FBN1: variants seen among roughly 807,000 people sequenced by gnomAD.
The protein encoded by FBN1 is fibrillin-1.
In FBN1, 29 loss-of-function variants were observed where a neutral mutation model predicts 365.1. The observed-to-expected ratio is 0.08, with a 90% CI of 0.06 to 0.11. The LOEUF (loss-of-function observed/expected upper bound fraction) is 0.11. FBN1 is among the 10% of genes least tolerant of loss of function. FBN1 has a pLI of 1.00. For synonymous variants in FBN1, 1,210 were observed against 1,270.5 expected (o/e 0.95, Z 1.01); for missense variants, 2,476 against 3,703.2 (o/e 0.67, Z 8.60).
At chr15:48,603,863 A>G (rs2044586182) in intron 4 of FBN1, among the ~76,000 whole-genome samples, 1 of 152,190 alleles carries the variant, frequency 6.6e-6, no homozygotes, top group Non-Finnish European at 1.5e-5. Context: ...CTTGAAGACG[A>G]GCAGACAGCC....
chr15:48,442,333 A>G (rs2043122583), intron 49 of FBN1, among the ~76,000 whole-genome samples: 2 of 152,346 alleles, frequency 1.3e-5, no homozygotes, highest in Admixed American at 6.5e-5. Flanking sequence ...CCTATGCTAT[A>G]GCCCTAAAAC....
At chr15:48,632,512 G>A (rs1890006781) in intron 2 of FBN1, among the ~76,000 whole-genome samples, 1 of 152,234 alleles carries the variant, frequency 6.6e-6, no homozygotes, top group Non-Finnish European at 1.5e-5. Context: ...GAGGCCCAGA[G>A]AGGTCAAATC....
Position 48,441,871 on chromosome 15 carries a change from A to G in FBN1, c.6038-25T>C, listed in dbSNP as rs2043118115. ...TCTAAAAGAATCACATGAGTCAAACAAAGTCAAAACACGATGGAGACATCA... is the reference window on the plus strand; with the variant it reads ...TCTAAAAGAATCACATGAGTCAAACGAAGTCAAAACACGATGGAGACATCA... On this transcript the variant is annotated intron_variant, in intron 49 of 65. Coordinates refer to ENST00000316623, the MANE Select transcript of FBN1 (RefSeq NM_000138.5). The G allele has an allele frequency of 3.1e-6, 5 of 1,611,992 alleles. No homozygotes were observed. The Middle Eastern group carries it at 5.0e-4, about 160-fold the overall frequency.
chr15:48,607,991 A>G (rs1235243757), intron 4 of FBN1, among the ~76,000 whole-genome samples: 2 of 152,244 alleles, frequency 1.3e-5, no homozygotes, highest in Non-Finnish European at 2.9e-5. Context: ...CTAGCCAATC[A>G]TTCTTTTTGC....
intron 58 of FBN1, 71 bp downstream of exon 58, chr15:48,427,496 T>C: frequency 6.7e-7 from 1 of 1,498,780 alleles, no homozygotes; most frequent in Non-Finnish European, 9.3e-7. Flanking sequence ...CTCCATATTT[T>C]CATCTGTGTT....
intron 63 of FBN1, among the ~76,000 whole-genome samples, chr15:48,418,864 G>A (rs982413368): frequency 2.0e-5 from 3 of 152,162 alleles, no homozygotes; most frequent in Non-Finnish European, 4.4e-5. Flanking sequence ...AGGGAGTACC[G>A]ATAGGAAACT....
intron 14 of FBN1, among the ~76,000 whole-genome samples, chr15:48,509,048 T>C (rs1432894495): frequency 6.6e-6 from 1 of 152,230 alleles, no homozygotes; most frequent in East Asian, 1.9e-4. Context: ...GGTATATTTA[T>C]TTCACAGATT....
At chr15:48,430,987 C>T (rs1431960094) in intron 55 of FBN1, among the ~76,000 whole-genome samples, 185 bp from the exon 56 acceptor site, 1 of 152,172 alleles carries the variant, frequency 6.6e-6, no homozygotes, top group Non-Finnish European at 1.5e-5. Context: ...TTCTAACCAC[C>T]TTTGAACTTG....
Position 48,445,409 on chromosome 15 carries a change from A to G in FBN1, c.5884T>C (p.Tyr1962His), listed in dbSNP as rs1242627780. 2 of 1,612,696 alleles carry G rather than the reference A, an allele frequency of 1.2e-6. No homozygotes were observed. The highest frequency in any genetic ancestry group is 1.7e-5 in the Admixed American group (1 of 59,912). Reference sequence around the variant, plus strand: ...GTCCTCCCATCTGGAGCCACCTCATAGCCTTCATTGCACTGGCACTGGAAA... The same window carrying G: ...GTCCTCCCATCTGGAGCCACCTCATGGCCTTCATTGCACTGGCACTGGAAA... ...GSFQCQCNEG[Y>H]EVAPDGRTCV... Residue 1962 changes from tyrosine (Y) to histidine (H), a missense_variant, in exon 48 of 66, where the codon TAT becomes CAT. This residue lies in a region of FBN1 where 1,780 missense variants were observed against 2,840.8 expected (regional missense o/e 0.63). Transcript: ENST00000316623.
chr15:48,582,749 A>T (rs1472978132), intron 6 of FBN1, among the ~76,000 whole-genome samples: 1 of 152,150 alleles, frequency 6.6e-6, no homozygotes, highest in African/African-American at 2.4e-5. Flanking sequence ...ATTTTTTTGG[A>T]CACTTGAGTT....
intron 49 of FBN1, among the ~76,000 whole-genome samples, chr15:48,442,616 G>A (rs1597530537): frequency 6.6e-6 from 1 of 152,090 alleles, no homozygotes; most frequent in Non-Finnish European, 1.5e-5. Flanking sequence ...TGAATGGCTT[G>A]AGTAACCATA....
intron 36 of FBN1, among the ~76,000 whole-genome samples, chr15:48,469,456 C>G (rs1290384031): frequency 6.6e-6 from 1 of 151,908 alleles, no homozygotes; most frequent in Non-Finnish European, 1.5e-5. Flanking sequence ...AAAATATGTA[C>G]AGAATTCCAG....
intron 6 of FBN1, among the ~76,000 whole-genome samples, chr15:48,569,407 A>C (rs2044287990): frequency 6.6e-6 from 1 of 152,148 alleles, no homozygotes; most frequent in African/African-American, 2.4e-5. Flanking sequence ...GAAAATAATT[A>C]GGCAGTTTCT....
At chr15:48,522,107 A>G (rs1048432252) in intron 9 of FBN1, among the ~76,000 whole-genome samples, 4 of 152,178 alleles carry the variant, frequency 2.6e-5, no homozygotes, top group South Asian at 2.1e-4. Context: ...TGTGTTCCCA[A>G]TGAGAATCTA....
At position 48,465,725 on chromosome 15, in the gene FBN1, G is replaced by A. The variant is rs1329718473; in HGVS notation, c.4817-32C>T. 3.7e-6 allele frequency: 6 copies of A among 1,613,748 alleles called. No homozygotes were observed. The African/African-American group carries it at 5.3e-5, about 14-fold the overall frequency. ...AAATCAAAACAAAGGCATTCCTTTAGCATTGTAAATAAACCCAAGGAAATT... is the reference window on the plus strand; with the variant it reads ...AAATCAAAACAAAGGCATTCCTTTAACATTGTAAATAAACCCAAGGAAATT... On this transcript the variant is annotated intron_variant, in intron 39 of 65. Coordinates refer to ENST00000316623, the MANE Select transcript of FBN1 (RefSeq NM_000138.5).
intron 32 of FBN1, among the ~76,000 whole-genome samples, chr15:48,478,617 T>C (rs2043442612): frequency 6.6e-6 from 1 of 152,122 alleles, no homozygotes; most frequent in African/African-American, 2.4e-5. Context: ...AGCCTTACAT[T>C]GGGTCATAGA....
At chr15:48,533,656 T>A (rs887539619) in intron 8 of FBN1, among the ~76,000 whole-genome samples, 3 of 152,184 alleles carry the variant, frequency 2.0e-5, no homozygotes, top group Non-Finnish European at 4.4e-5. Context: ...GGTTAATAGA[T>A]CAATCTGCCT....
At chr15:48,471,435 A>G (rs750529406) in intron 35 of FBN1, among the ~76,000 whole-genome samples, 4 of 152,106 alleles carry the variant, frequency 2.6e-5, no homozygotes, top group Non-Finnish European at 5.9e-5. Flanking sequence ...CAAAACTTTC[A>G]CTGTGACTAT....
chr15:48,521,173 G>A (rs930556105), intron 9 of FBN1, among the ~76,000 whole-genome samples: 3 of 152,250 alleles, frequency 2.0e-5, no homozygotes, highest in African/African-American at 7.2e-5. Flanking sequence ...GCTGAAGAGA[G>A]ACTGGGTTGT....
Sources: allele counts gnomAD v4.1 joint callset (sites outside exome capture counted in the v4.1 genomes callset), GRCh38; gene constraint gnomAD v4.1.1; regional missense constraint gnomAD v4.1.1; transcripts MANE v1.5; gene names NCBI Gene and HGNC (gene_info 2026-07-23, HGNC 2026-07-21).